The following ZNF44 variants were observed in gnomAD, a reference collection of about 807,000 sequenced individuals.
The protein encoded by ZNF44 is gonadotropin inducible transcription repressor-2.
ZNF44 carries 9 observed loss-of-function variants against 11.7 expected under a neutral mutation model. The ratio of observed to expected loss-of-function variants is 0.77; its 90% CI spans 0.46 to 1.35. The LOEUF (loss-of-function observed/expected upper bound fraction) is 1.35. Ranked by LOEUF, ZNF44 falls within the 40% of genes most tolerant of loss-of-function variation. The pLI, the probability that ZNF44 is intolerant of heterozygous loss-of-function variation, is 0.00. For missense variants in ZNF44, 696 were observed against 743.1 expected (o/e 0.94, Z 0.74); for synonymous variants, 224 against 242.7 (o/e 0.92, Z 0.72).
At chr19:12,283,181 T>C (rs112207777) in intron 1 of ZNF44, among the ~76,000 whole-genome samples, 6 of 152,290 alleles carry the variant, frequency 3.9e-5, no homozygotes, top group African/African-American at 1.4e-4. Flanking sequence ...AAAGGCGCAA[T>C]GTAACCATCC....
At chr19:12,285,907 T>A (rs374274626) in intron 1 of ZNF44, among the ~76,000 whole-genome samples, 1 of 151,782 alleles carries the variant, frequency 6.6e-6, no homozygotes, top group East Asian at 2.0e-4. Flanking sequence ...TAGTCCCAGC[T>A]ACTCAGGAGG....
In ZNF44 at chr19:12,273,951, C is replaced by G. The variant is rs752541470; in HGVS notation, c.304G>C (p.Ala102Pro). 1.7e-5 allele frequency: 27 copies of G among 1,614,082 alleles called. No homozygotes were observed. The highest frequency in any genetic ancestry group is 2.2e-5 in the Non-Finnish European group (26 of 1,180,052). ...VNKNTPARVD[A>P]CGSSVNGEVI... ...TCTCCATTCACACTGCTTCCACATG[C>G]ATCTACTCTGGCGGGAGTGTTCTTG... The change falls in exon 4 of 4, where the codon GCA becomes CCA. Residue 102 changes from alanine to proline, a missense_variant. Physicochemically the swap from Ala to Pro is conservative, Grantham distance 27 (BLOSUM62 -1). Coordinates refer to ENST00000355684, the MANE Select transcript of ZNF44 (RefSeq NM_016264.4).
chr19:12,235,679 C>T (rs891593919), intron 1 of ZNF44, among the ~76,000 whole-genome samples: 1 of 151,906 alleles, frequency 6.6e-6, no homozygotes, highest in African/African-American at 2.4e-5. Flanking sequence ...TTGCCAGGTG[C>T]GGTGGCTCAT....
chr19:12,293,649 C>A (rs1968112002), intron 1 of ZNF44, among the ~76,000 whole-genome samples: 1 of 152,054 alleles, frequency 6.6e-6, no homozygotes, highest in Non-Finnish European at 1.5e-5. Context: ...CATAACGTTA[C>A]TGGGAATTGA....
chr19:12,247,739 G>C (rs773063296), exon 8 of ZNF44: 14 of 1,332,236 alleles, frequency 1.1e-5, no homozygotes, highest in Non-Finnish European at 1.3e-5. Context: ...GAGCTGAGTA[G>C]TAGTATCTAA....
At chr19:12,250,258 C>T (rs748217517) in exon 6 of ZNF44, 47 of 1,364,194 alleles carry the variant, frequency 3.4e-5, no homozygotes, top group Admixed American at 1.9e-4. Context: ...TGGCCAGGTT[C>T]CTGAAGGTTT....
intron 1 of ZNF44, among the ~76,000 whole-genome samples, chr19:12,283,299 C>G (rs1247965196): frequency 6.6e-6 from 1 of 152,140 alleles, no homozygotes; most frequent in Non-Finnish European, 1.5e-5. Context: ...CTATGAAAGA[C>G]AAAAGCAGCA....
At chr19:12,226,544 C>G (rs1390746946) in intron 3 of ZNF44, 1 of 152,124 alleles carries the variant, frequency 6.6e-6, no homozygotes, top group South Asian at 2.1e-4. Context: ...CAAAAGAAAA[C>G]AGATTCTTGT....
chr19:12,245,862 G>GC (rs892132415), downstream of ZNF44, among the ~76,000 whole-genome samples: 3 of 152,110 alleles, frequency 2.0e-5, no homozygotes, highest in Admixed American at 1.3e-4. Flanking sequence ...TAAGAAGGCT[G>GC]CAAGGGGACT....
At position 12,274,984 on chromosome 19, in the gene ZNF44, C is replaced by G; in HGVS notation, c.180G>C (p.Arg60Ser). The change falls in exon 3 of 4, where the codon AGG becomes AGC. Residue 60 changes from arginine (R) to serine (S), a missense_variant. By Grantham distance (110) the Arg-to-Ser change is moderately radical. Coordinates refer to ENST00000355684, the MANE Select transcript of ZNF44 (RefSeq NM_016264.4). Reference protein sequence around the residue: ...QNIDDQHQNLRRNPRCDVVER... With the variant: ...QNIDDQHQNLSRNPRCDVVER... ...TAAGTACAAATTACCTTGGATTTCT[C>G]CTGAGATTTTGGTGCTGATCATCAA... 6.3e-7 allele frequency: 1 copy of G among 1,588,308 alleles called. No homozygotes were observed. Among genetic ancestry groups the G allele is most frequent in the Non-Finnish European group, 8.6e-7 (1 of 1,166,656 alleles).
chr19:12,260,524 C>T lies in ZNF44; in HGVS notation c.1913-10156G>A. On this transcript the variant is annotated intron_variant and NMD_transcript_variant, in intron 5 of 7. Transcript: ENST00000393337. ...GTGAAGCGGAAGCGGACCCGCGCCA[C>T]CAAGAGCTCCTGAGCCCCCTGCCCC... 3 of 1,060,818 alleles carry T rather than the reference C, an allele frequency of 2.8e-6. No individual in the cohort carries two copies. The South Asian group carries it at 4.1e-5, about 14-fold the overall frequency. The allele number at this position is 1,060,818 out of a possible 1,614,324, so 65.7% of individuals were successfully genotyped here. A position where few individuals can be genotyped will look rare whatever the true frequency, so the allele number is the denominator to read the frequency against.
At chr19:12,232,758 G>A (rs1216376976) in intron 2 of ZNF44, among the ~76,000 whole-genome samples, 1 of 152,132 alleles carries the variant, frequency 6.6e-6, no homozygotes, top group Non-Finnish European at 1.5e-5. Context: ...CACAGACACA[G>A]CAACAATCTG....
At chr19:12,291,558 T>C (rs941984584) in intron 1 of ZNF44, among the ~76,000 whole-genome samples, 3 of 150,340 alleles carry the variant, frequency 2.0e-5, no homozygotes, top group Non-Finnish European at 3.0e-5. Flanking sequence ...ATTAGCCAGG[T>C]GTGGTGGCGC....
rs59865823 is a variant in ZNF44, at chr19:12,282,421, C to CTTTTTT, written c.4-6345_4-6340dup. Among the ~76,000 whole-genome samples, 36 of 126,208 alleles carry CTTTTTT rather than the reference C, an allele frequency of 2.9e-4. 1 individual carries two copies. Among genetic ancestry groups the CTTTTTT allele is most frequent in the Middle Eastern group, 4.4e-3 (1 of 228 alleles). The allele number at this position is 126,208 out of a possible 152,430, so 82.8% of individuals were successfully genotyped here. A position where few individuals can be genotyped will look rare whatever the true frequency, so the allele number is the denominator to read the frequency against. On this transcript the variant is annotated intron_variant, in intron 1 of 3. Transcript: ENST00000355684. ...AAATCAACCCACTTGGAGAAGTCTT[C>CTTTTTT]TTTTTTTTTTTTTTTTTTGAGACGG...
downstream of ZNF44, among the ~76,000 whole-genome samples, chr19:12,270,261 A>G (rs546322571): frequency 1.6e-4 from 24 of 152,202 alleles, no homozygotes; most frequent in Non-Finnish European, 2.8e-4. Flanking sequence ...ATGCTCTGCT[A>G]TGAAACATAG....
At chr19:12,294,114 C>G (rs1054897878) in intron 1 of ZNF44, among the ~76,000 whole-genome samples, 4 of 152,162 alleles carry the variant, frequency 2.6e-5, no homozygotes, top group Non-Finnish European at 5.9e-5. Context: ...TTTCTCAGAT[C>G]TTGAATTCCA....
intron 1 of ZNF44, among the ~76,000 whole-genome samples, chr19:12,278,748 A>G (rs1967339486): frequency 6.6e-6 from 1 of 151,944 alleles, no homozygotes; most frequent in Non-Finnish European, 1.5e-5. Context: ...AAAGACATAT[A>G]TTAGACCATC....
At chr19:12,242,127 G>A (rs2145684545), upstream of ZNF44, among the ~76,000 whole-genome samples, 1 of 152,234 alleles carries the variant, frequency 6.6e-6, no homozygotes, top group South Asian at 2.1e-4. Context: ...AGCTAGCTGT[G>A]ATGGTTCTAA....
chr19:12,265,376 CTG>C (rs1917689353), intron 5 of ZNF44, among the ~76,000 whole-genome samples: 1 of 151,118 alleles, frequency 6.6e-6, no homozygotes, highest in Admixed American at 6.6e-5. Flanking sequence ...GAGGGAGACA[CTG>C]TCTCAAACAA....
Sources: gnomAD v4.1 joint callset for allele counts (sites outside exome capture counted in the v4.1 genomes callset) on GRCh38, gnomAD v4.1.1 for gene constraint, MANE v1.5 for transcripts, NCBI Gene and HGNC (gene_info 2026-07-23, HGNC 2026-07-21) for gene names.